The following GALK2 variants were observed in gnomAD, a reference collection of about 807,000 sequenced individuals.
GALK2 encodes the protein N-acetylgalactosamine kinase.
GALK2 carries 36 observed loss-of-function variants against 52.4 expected under a neutral mutation model. The observed-to-expected ratio is 0.69, with a 90% CI of 0.53 to 0.91. The LOEUF (loss-of-function observed/expected upper bound fraction) is 0.91. GALK2 is among the 40% of genes least tolerant of loss of function. GALK2 has a pLI of 0.00. For missense variants in GALK2, 579 were observed against 559.1 expected (o/e 1.04, Z -0.36); for synonymous variants, 176 against 199.1 (o/e 0.88, Z 0.98).
intron 3 of GALK2, among the ~76,000 whole-genome samples, chr15:49,219,606 C>T (rs548231498): frequency 5.9e-5 from 9 of 152,130 alleles, no homozygotes; most frequent in African/African-American, 1.2e-4. Context: ...CCTGGGAGTT[C>T]GAGACCAGCC....
chr15:49,313,513 G>A (rs1322634744), intron 8 of GALK2, among the ~76,000 whole-genome samples: 1 of 152,170 alleles, frequency 6.6e-6, no homozygotes, highest in Non-Finnish European at 1.5e-5. Flanking sequence ...TCCCACTACT[G>A]GTCCTTCCCC....
At position 49,319,567 on chromosome 15, in the gene GALK2, A is replaced by G. The variant is rs1344098731; in HGVS notation, c.968-37A>G. The stretch of plus-strand genomic sequence containing the variant: ...CTTTATACTGGGTTGTCCAGTAACT[A>G]TTCCTAACCTCCTTCCCCATCCTCT... On this transcript the variant is annotated intron_variant, in intron 8 of 9. Coordinates refer to ENST00000560031, the MANE Select transcript of GALK2 (RefSeq NM_002044.4). 3 of 1,585,638 alleles carry G rather than the reference A, an allele frequency of 1.9e-6. No individual in the cohort carries two copies. In the South Asian group the frequency reaches 3.3e-5, roughly 18 times the overall value.
At chr15:49,210,934 A>C (rs1288533214) in intron 2 of GALK2, among the ~76,000 whole-genome samples, 1 of 147,510 alleles carries the variant, frequency 6.8e-6, no homozygotes, top group Non-Finnish European at 1.5e-5. Context: ...TTTACTAGAG[A>C]CGGGGTTTCC....
chr15:49,222,452 G>A (rs2089861785), intron 3 of GALK2, among the ~76,000 whole-genome samples: 1 of 152,010 alleles, frequency 6.6e-6, no homozygotes. Flanking sequence ...TAGTGATATT[G>A]GTCATCTTTT....
At chr15:49,238,602 C>G (rs990011917) in intron 4 of GALK2, among the ~76,000 whole-genome samples, 1 of 152,160 alleles carries the variant, frequency 6.6e-6, no homozygotes, top group African/African-American at 2.4e-5. Flanking sequence ...GATTCAGAGA[C>G]CTGGGCCCTA....
At chr15:49,214,061 A>G (rs1004430264) in intron 2 of GALK2, among the ~76,000 whole-genome samples, 16 of 152,136 alleles carry the variant, frequency 1.1e-4, no homozygotes, top group Non-Finnish European at 1.9e-4. Flanking sequence ...TGGAGCGTGC[A>G]GTGAGCTGAG....
intron 3 of GALK2, among the ~76,000 whole-genome samples, chr15:49,359,100 A>C (rs2043718315): frequency 6.6e-6 from 1 of 152,044 alleles, no homozygotes; most frequent in Admixed American, 6.6e-5. Context: ...AGATAGATTA[A>C]AGACTTAAAC....
chr15:49,309,549 C>T (rs1232239581), intron 8 of GALK2, among the ~76,000 whole-genome samples: 2 of 151,876 alleles, frequency 1.3e-5, no homozygotes, highest in Non-Finnish European at 2.9e-5. Context: ...TTAGGCTATA[C>T]ATGACCTCAA....
chr15:49,228,688 T>TATATATATATATATATTTATTTA, intron 3 of GALK2, among the ~76,000 whole-genome samples: 2 of 10,450 alleles, frequency 1.9e-4, no homozygotes, highest in African/African-American at 6.8e-4. Context: ...TATATATATA[T>TATATATATATATATATTTATTTA]TTTTTTTTTT....
chr15:49,276,269 A>T (rs954415649), intron 5 of GALK2, among the ~76,000 whole-genome samples: 1 of 152,032 alleles, frequency 6.6e-6, no homozygotes, highest in African/African-American at 2.4e-5. Flanking sequence ...CCCCTTCTTC[A>T]TTAGAGCTTT....
chr15:49,310,800 A>T (rs982556352), intron 8 of GALK2, among the ~76,000 whole-genome samples: 1 of 152,090 alleles, frequency 6.6e-6, no homozygotes, highest in Non-Finnish European at 1.5e-5. Context: ...TCCTTGTTAG[A>T]TGAATAGTTT....
At chr15:49,322,986 A>G in intron 9 of GALK2, among the ~76,000 whole-genome samples, 1 of 151,790 alleles carries the variant, frequency 6.6e-6, no homozygotes, top group Non-Finnish European at 1.5e-5. Flanking sequence ...AGAAAAAAAA[A>G]AAAAGATGTC....
chr15:49,274,783 T>C (rs2031372622), intron 5 of GALK2, among the ~76,000 whole-genome samples: 1 of 152,186 alleles, frequency 6.6e-6, no homozygotes, highest in East Asian at 1.9e-4. Flanking sequence ...TTTTAAACTT[T>C]TAGTTTTTTT....
At chr15:49,277,789 C>A (rs1322933905) in intron 5 of GALK2, among the ~76,000 whole-genome samples, 1 of 151,530 alleles carries the variant, frequency 6.6e-6, no homozygotes, top group African/African-American at 2.4e-5. Context: ...AGTGAGACTC[C>A]GTCTCAAACA....
chr15:49,208,525 A>C (rs1216121683), intron 2 of GALK2, among the ~76,000 whole-genome samples: 3 of 152,222 alleles, frequency 2.0e-5, no homozygotes, highest in Non-Finnish European at 4.4e-5. Flanking sequence ...AGTGCTTGAT[A>C]TAATTTCAAT....
At chr15:49,207,222 T>G (rs1306131497) in intron 2 of GALK2, among the ~76,000 whole-genome samples, 3 of 152,208 alleles carry the variant, frequency 2.0e-5, no homozygotes, top group African/African-American at 7.2e-5. Context: ...TTTGATATAT[T>G]GTTGGATTTG....
At chr15:49,179,306 T>C (rs1339534205) in intron 1 of GALK2, among the ~76,000 whole-genome samples, 1 of 152,188 alleles carries the variant, frequency 6.6e-6, no homozygotes, top group Non-Finnish European at 1.5e-5. Context: ...ATGAGGAAAA[T>C]TGAGGCATGG....
downstream of GALK2, chr15:49,334,164 A>T: frequency 1.4e-6 from 1 of 719,710 alleles, no homozygotes; most frequent in Non-Finnish European, 1.7e-6. Context: ...TTTATGTAAC[A>T]TCTCTTCAAT....
intron 1 of GALK2, among the ~76,000 whole-genome samples, chr15:49,187,611 A>G (rs1168230275): frequency 6.6e-6 from 1 of 152,182 alleles, no homozygotes; most frequent in Non-Finnish European, 1.5e-5. Context: ...GCTCTATTCC[A>G]CTGTGGCTGA....
Sources: allele counts gnomAD v4.1 joint callset (sites outside exome capture counted in the v4.1 genomes callset), GRCh38; gene constraint gnomAD v4.1.1; transcripts MANE v1.5; gene names NCBI Gene and HGNC (gene_info 2026-07-23, HGNC 2026-07-21).